CIT: variants seen among roughly 807,000 people sequenced by gnomAD.
CIT encodes citron rho-interacting serine/threonine kinase.
In CIT, 79 loss-of-function variants were observed where a neutral mutation model predicts 272.7. The observed-to-expected ratio is 0.29, with a 90% confidence interval of 0.24 to 0.35. The LOEUF is 0.35. Among genes scored for constraint, CIT ranks in the 10% least tolerant of loss-of-function variants. The pLI, the probability that CIT is intolerant of heterozygous loss-of-function variation, is 1.00. For missense variants in CIT, 1,909 were observed against 2,618.3 expected (o/e 0.73, Z 5.91); for synonymous variants, 948 against 995.6 (o/e 0.95, Z 0.90).
Position 119,713,605 on chromosome 12 carries a change from T to C in CIT, c.4350A>G (p.Pro1450=), listed in dbSNP as rs1250544478. 1.9e-6 allele frequency: 3 copies of C among 1,614,142 alleles called. No individual in the cohort carries two copies. The highest frequency in any genetic ancestry group is 2.7e-5 in the African/African-American group (2 of 74,946). Residue 1450 remains proline, a synonymous_variant, in exon 34 of 48, where the codon CCA becomes CCG. Transcript: ENST00000392521. This position sits in a 1 kb window ranked among gnomAD's most constrained non-coding sequence, Gnocchi z 5.2. ...ATTCAGCAGGCAAGCCGCAGGTGGC[T>C]GGCAAGCACGTGGAGCACTTGGGGT... ...MCHPKCSTCL[P]ATCGLPAEYA... is the part of the protein sequence containing the mutation.
intron 5 of CIT, among the ~76,000 whole-genome samples, chr12:119,847,205 C>T (rs1048373414): frequency 1.3e-5 from 2 of 152,122 alleles, no homozygotes; most frequent in African/African-American, 4.8e-5. Flanking sequence ...AGGATGGTCT[C>T]GATCTCCTGA....
chr12:119,863,425 C>T (rs1323145429), intron 3 of CIT, among the ~76,000 whole-genome samples: 2 of 152,038 alleles, frequency 1.3e-5, no homozygotes, highest in Non-Finnish European at 2.9e-5. Context: ...AGGCTTAGTA[C>T]CTGGGTGACG....
intron 21 of CIT, among the ~76,000 whole-genome samples, chr12:119,758,278 C>T (rs1961294309): frequency 6.6e-6 from 1 of 152,216 alleles, no homozygotes; most frequent in South Asian, 2.1e-4. Context: ...TCACCTCTTA[C>T]TAATTACAGG....
In CIT at chr12:119,713,172, C is replaced by G. The variant is rs778576632; in HGVS notation, c.4579+31G>C. 14 of 1,572,636 alleles carry G rather than the reference C, an allele frequency of 8.9e-6. No homozygotes were observed. In the African/African-American group the frequency reaches 1.5e-4, roughly 17 times the overall value. On this transcript the variant is annotated intron_variant, in intron 35 of 47. Coordinates refer to ENST00000392521, the MANE Select transcript of CIT (RefSeq NM_001206999.2). The surrounding 1 kb of genome is among the most constrained non-coding windows in gnomAD (Gnocchi z 5.2). ...TGGGGAGACCTGGGTTAGCCACGTGCAATGACCTTCCCCCTGAATTATTAA... is the reference window on the plus strand; with the variant it reads ...TGGGGAGACCTGGGTTAGCCACGTGGAATGACCTTCCCCCTGAATTATTAA...
intron 40 of CIT, among the ~76,000 whole-genome samples, chr12:119,707,037 T>G (rs1956911105): frequency 6.8e-6 from 1 of 148,002 alleles, no homozygotes; most frequent in Non-Finnish European, 1.5e-5. Flanking sequence ...TGAATTAACT[T>G]GAGTTCTCAT....
At chr12:119,796,424 T>C (rs11609520) in intron 10 of CIT, among the ~76,000 whole-genome samples, 33,134 of 151,936 alleles carry the variant, frequency 0.22, 3,888 homozygotes, top group East Asian at 0.41. Context: ...CTTGGAGAAA[T>C]TGGCAACTGA....
intron 9 of CIT, among the ~76,000 whole-genome samples, chr12:119,813,323 C>A (rs1376007298): frequency 1.3e-5 from 2 of 152,186 alleles, no homozygotes; most frequent in Admixed American, 1.3e-4. Flanking sequence ...TATTTATTTT[C>A]TCTGAAGTGA....
rs536128670 is a variant in CIT, at chr12:119,862,339, G to GCA, written c.239-4643_239-4642dup. On this transcript the variant is annotated intron_variant, in intron 3 of 47. Transcript: ENST00000392521. ...AATTTCCATAATAAATATTTTTAAGGCACACACACACACAAACAAAATTGG... is the reference window on the plus strand; with the variant it reads ...AATTTCCATAATAAATATTTTTAAGGCACACACACACACACAAACAAAATTGG... Among the ~76,000 whole-genome samples the GCA allele has an allele frequency of 6.3e-4, 96 of 151,760 alleles. No homozygotes were observed. The East Asian group carries it at 0.017, about 26-fold the overall frequency.
intron 32 of CIT, among the ~76,000 whole-genome samples, chr12:119,717,421 T>TTTC (rs1253543770): frequency 7.2e-5 from 4 of 55,374 alleles, no homozygotes; most frequent in East Asian, 4.9e-4. Flanking sequence ...TTTCTTTTCT[T>TTTC]TTTTTTTTTT....
chr12:119,799,875 T>G (rs1966041778), intron 10 of CIT, among the ~76,000 whole-genome samples: 1 of 150,212 alleles, frequency 6.7e-6, no homozygotes, highest in Non-Finnish European at 1.5e-5. Context: ...CTATCATTAG[T>G]GTATTTTATG....
chr12:119,829,482 G>A (rs141968680), intron 7 of CIT, among the ~76,000 whole-genome samples: 1 of 152,180 alleles, frequency 6.6e-6, no homozygotes, highest in South Asian at 2.1e-4. Context: ...TGCAGAAGCA[G>A]GGGGAAAAGG....
intron 28 of CIT, among the ~76,000 whole-genome samples, chr12:119,725,648 T>C (rs1958053260): frequency 6.6e-6 from 1 of 152,182 alleles, no homozygotes; most frequent in Non-Finnish European, 1.5e-5. Flanking sequence ...AAAATCTTTC[T>C]GTGAGGAACA....
At position 119,782,622 on chromosome 12, in the gene CIT, A is replaced by G; in HGVS notation, c.1561T>C (p.Leu521=). 1 of 1,614,164 alleles carries G rather than the reference A, an allele frequency of 6.2e-7. No individual in the cohort carries two copies. ...ITECSSLKRS[L]EQARMEVSQE... is the part of the protein sequence containing the mutation. ...GACACCTCCATCCGTGCTTGCTCCA[A>G]ACTTCGCTTTAAGCTCTGCAGAAAG... Residue 521 remains leucine, a synonymous_variant, in exon 13 of 48, where the codon TTG becomes CTG. Transcript: ENST00000392521.
intron 7 of CIT, among the ~76,000 whole-genome samples, chr12:119,827,621 A>G (rs1352100611): frequency 6.6e-6 from 1 of 152,120 alleles, no homozygotes; most frequent in Non-Finnish European, 1.5e-5. Flanking sequence ...TATTTTTAGT[A>G]GAGACGGGGT....
chr12:119,720,877 C>A (rs1428437741), intron 29 of CIT, among the ~76,000 whole-genome samples: 1 of 152,194 alleles, frequency 6.6e-6, no homozygotes, highest in Non-Finnish European at 1.5e-5. Context: ...AAAATAAAAT[C>A]TTGGGGAAAA....
intron 46 of CIT, among the ~76,000 whole-genome samples, chr12:119,695,716 A>T (rs1956189980): frequency 6.6e-6 from 1 of 152,140 alleles, no homozygotes; most frequent in Non-Finnish European, 1.5e-5. Flanking sequence ...GGATCACCTG[A>T]GCCCAGAGGT....
Position 119,823,026 on chromosome 12 carries a change from A to G in CIT, c.958-53T>C, listed in dbSNP as rs973084505. The G allele has an allele frequency of 1.2e-5, 19 of 1,530,058 alleles. No individual in the cohort carries two copies. The African/African-American group carries it at 2.5e-4, about 20-fold the overall frequency. 94.8% of individuals were successfully genotyped at this position (1,530,058 alleles called of 1,614,324 possible). On this transcript the variant is annotated intron_variant, in intron 8 of 47. Coordinates refer to ENST00000392521, the MANE Select transcript of CIT (RefSeq NM_001206999.2). ...TTCCTTAGTAGGGATTCCGTTTCTC[A>G]TGCTGCAAAGTGAAGAAAGTATTTC...
chr12:119,703,775 T>C lies in CIT; in HGVS notation c.5304+588A>G, dbSNP rs866283694. ...TGAAAGCACCAGAAATATATCAGGC[T>C]TAGGAGGAGTGGGACACTCCGAGGT... On this transcript the variant is annotated intron_variant, in intron 41 of 47. Coordinates refer to ENST00000392521, the MANE Select transcript of CIT (RefSeq NM_001206999.2). 1.2e-4 allele frequency among the ~76,000 whole-genome samples: 19 copies of C among 152,242 alleles called. No individual in the cohort carries two copies. In the Middle Eastern group the frequency reaches 0.01, roughly 82 times the overall value.
intron 2 of CIT, among the ~76,000 whole-genome samples, chr12:119,875,324 G>C (rs1321730517): frequency 6.6e-6 from 1 of 152,158 alleles, no homozygotes; most frequent in Non-Finnish European, 1.5e-5. Flanking sequence ...ATCAATCAAT[G>C]AATGAATAAA....
Sources: gnomAD v4.1 joint callset for allele counts (sites outside exome capture counted in the v4.1 genomes callset) on GRCh38, gnomAD v4.1.1 for gene constraint, Gnocchi (gnomAD v3.1) non-coding constraint, MANE v1.5 for transcripts, NCBI Gene and HGNC (gene_info 2026-07-23, HGNC 2026-07-21) for gene names.